Variants in DENND1A observed in about 807,000 individuals in gnomAD.
DENND1A encodes the protein DENN domain containing 1A.
A neutral mutation model predicts 113.7 loss-of-function variants in DENND1A; 51 were observed. The observed-to-expected ratio is 0.45, with a 90% CI of 0.36 to 0.57. The LOEUF is 0.57. DENND1A is among the 20% of genes least tolerant of loss of function. The probability of loss-of-function intolerance (pLI) is 0.00; values close to 1 mark genes in which losing one functional copy is unlikely to be tolerated. For missense variants in DENND1A, 1,258 were observed against 1,395.9 expected, an observed-to-expected ratio of 0.90 and a Z score of 1.57; for synonymous variants, 565 against 570.8, an observed-to-expected ratio of 0.99 and a Z score of 0.14.
At chr9:123,815,768 G>A (rs375967198) in intron 2 of DENND1A, among the ~76,000 whole-genome samples, 6 of 152,008 alleles carry the variant, frequency 3.9e-5, no homozygotes, top group Non-Finnish European at 5.9e-5. Flanking sequence ...CAAACTGACC[G>A]TATTCTCCTT....
chr9:123,430,197 G>A (rs1444743977), intron 19 of DENND1A, among the ~76,000 whole-genome samples: 1 of 152,236 alleles, frequency 6.6e-6, no homozygotes, highest in Non-Finnish European at 1.5e-5. Flanking sequence ...AACAGATGCT[G>A]GAGAGGTTGT....
chr9:123,826,296 A>T (rs924065385), intron 2 of DENND1A, among the ~76,000 whole-genome samples: 2 of 152,154 alleles, frequency 1.3e-5, no homozygotes, highest in Non-Finnish European at 2.9e-5. Context: ...CCAACTTCTC[A>T]GGAGGCTGGA....
chr9:123,411,808 G>C lies in DENND1A; in HGVS notation c.1510C>G (p.Arg504Gly). Residue 504 changes from arginine to glycine, a missense_variant, in exon 20 of 24, where the codon CGA (arginine) becomes GGA (glycine). Transcript: ENST00000394215. ...GAGCGCTGTATCTTGGGAGGCGGTC[G>C]GGTGGGACGCAGTCTCTGCAGCTGC... The part of the protein sequence containing the change: ...FGQLQRLRPT[R>G]PPPKIQRSRP... 1.0e-6 allele frequency: 1 copy of C among 985,942 alleles called. No individual in the cohort carries two copies. The highest frequency in any genetic ancestry group is 1.2e-6 in the Non-Finnish European group (1 of 830,050). The allele number at this position is 985,942 out of a possible 1,614,324, so 61.1% of individuals were successfully genotyped here.
At chr9:123,729,162 A>G (rs963027340) in intron 5 of DENND1A, among the ~76,000 whole-genome samples, 2 of 152,226 alleles carry the variant, frequency 1.3e-5, no homozygotes, top group African/African-American at 4.8e-5. Flanking sequence ...ATCATGCTGA[A>G]TGGGCAAAAA....
chr9:123,749,632 C>T (rs1328716692), intron 5 of DENND1A, among the ~76,000 whole-genome samples: 1 of 152,224 alleles, frequency 6.6e-6, no homozygotes, highest in Non-Finnish European at 1.5e-5. Flanking sequence ...CTGCCTTCCA[C>T]TCCAAATCCT....
At chr9:123,455,568 G>A (rs578172159) in intron 15 of DENND1A, among the ~76,000 whole-genome samples, 2 of 152,294 alleles carry the variant, frequency 1.3e-5, no homozygotes, top group African/African-American at 4.8e-5. Context: ...CAGCCCTCGG[G>A]AATAGGTAAC....
At chr9:123,725,904 TAAACAAC>T (rs1244498249) in intron 5 of DENND1A, among the ~76,000 whole-genome samples, 3 of 152,170 alleles carry the variant, frequency 2.0e-5, no homozygotes, top group Non-Finnish European at 4.4e-5. Context: ...TTCTAACAGG[TAAACAAC>T]AAACAACAAA....
chr9:123,877,097 T>C (rs1847592625), intron 2 of DENND1A, among the ~76,000 whole-genome samples: 1 of 152,198 alleles, frequency 6.6e-6, no homozygotes, highest in African/African-American at 2.4e-5. Context: ...CAATGTACAC[T>C]ATTCAGGTGA....
chr9:123,731,420 A>G (rs1031744029), intron 5 of DENND1A, among the ~76,000 whole-genome samples: 5 of 152,238 alleles, frequency 3.3e-5, no homozygotes, highest in Admixed American at 6.5e-5. Context: ...TGCGTAGTCC[A>G]TTAATTTTTG....
intron 20 of DENND1A, among the ~76,000 whole-genome samples, chr9:123,406,107 C>T (rs561931583): frequency 1.6e-4 from 25 of 152,334 alleles, no homozygotes; most frequent in African/African-American, 4.8e-4. Context: ...TGACACGGCA[C>T]GGTGGCTTAG....
chr9:123,695,513 C>T (rs535761007), intron 5 of DENND1A, among the ~76,000 whole-genome samples: 5 of 151,968 alleles, frequency 3.3e-5, no homozygotes, highest in African/African-American at 1.2e-4. Flanking sequence ...ATTAGTGTGT[C>T]CCTCTAGAGA....
chr9:123,774,946 C>T (rs1245425245), intron 3 of DENND1A, among the ~76,000 whole-genome samples: 1 of 152,146 alleles, frequency 6.6e-6, no homozygotes, highest in East Asian at 1.9e-4. Context: ...ACTTTATACA[C>T]CTTCATGACC....
At chr9:123,407,516 G>C (rs923752473) in intron 20 of DENND1A, among the ~76,000 whole-genome samples, 1 of 152,056 alleles carries the variant, frequency 6.6e-6, no homozygotes, top group East Asian at 1.9e-4. Flanking sequence ...CAGACAAAAC[G>C]GTTTAATGAA....
chr9:123,485,691 C>CAT (rs1564578997), intron 13 of DENND1A: 5 of 150,504 alleles, frequency 3.3e-5, no homozygotes, highest in African/African-American at 1.2e-4. Context: ...CACACACACA[C>CAT]GCAGTGTGGG....
intron 5 of DENND1A, among the ~76,000 whole-genome samples, chr9:123,744,857 C>T (rs954805257): frequency 2.0e-5 from 3 of 148,642 alleles, no homozygotes; most frequent in Non-Finnish European, 4.4e-5. Flanking sequence ...CTCACTGCAA[C>T]CTCCGCCTCC....
rs555024279 is a variant in DENND1A, at chr9:123,606,032, C to T, written c.765+3404G>A. 2.0e-5 allele frequency among the ~76,000 whole-genome samples: 3 copies of T among 152,268 alleles called. No homozygotes were observed. In the South Asian group the frequency reaches 6.2e-4, roughly 32 times the overall value. On this transcript the variant is annotated intron_variant, in intron 11 of 23. Coordinates refer to ENST00000394215, the MANE Select transcript of DENND1A (RefSeq NM_001352964.2). Reference sequence around the variant, plus strand: ...GAGATGGGCCTTCCTGAGCACCTTCCGTAAACGGCTTTCCTTTGGCCCCAG... The same window carrying T: ...GAGATGGGCCTTCCTGAGCACCTTCTGTAAACGGCTTTCCTTTGGCCCCAG...
chr9:123,902,291 A>G (rs1380726399), intron 1 of DENND1A, among the ~76,000 whole-genome samples: 1 of 152,176 alleles, frequency 6.6e-6, no homozygotes, highest in Non-Finnish European at 1.5e-5. Flanking sequence ...TACATTGGTT[A>G]TAATAATTAC....
At chr9:123,839,634 C>T (rs1254305865) in intron 2 of DENND1A, among the ~76,000 whole-genome samples, 1 of 152,146 alleles carries the variant, frequency 6.6e-6, no homozygotes, top group Non-Finnish European at 1.5e-5. Flanking sequence ...AATAATTAAG[C>T]ATTCAAAGCT....
intron 5 of DENND1A, among the ~76,000 whole-genome samples, chr9:123,756,867 A>G: frequency 6.6e-6 from 1 of 152,094 alleles, no homozygotes; most frequent in East Asian, 1.9e-4. Context: ...CCCAGGCCCA[A>G]CCCAAGCCTG....
Sources: gnomAD v4.1 joint callset for allele counts (sites outside exome capture counted in the v4.1 genomes callset) on GRCh38, gnomAD v4.1.1 for gene constraint, MANE v1.5 for transcripts, NCBI Gene and HGNC (gene_info 2026-07-23, HGNC 2026-07-21) for gene names.